The following AGAP1 variants were observed in gnomAD, a reference collection of about 807,000 sequenced individuals.
AGAP1 encodes the protein arf-GAP with GTPase, ANK repeat and PH domain-containing protein 1.
In AGAP1, 29 loss-of-function variants were observed where a neutral mutation model predicts 105.3. That is an observed-to-expected ratio of 0.28 (90% confidence interval 0.21 to 0.38). AGAP1 has a LOEUF of 0.38. AGAP1 is among the 10% of genes least tolerant of loss of function. The pLI is 1.00. For missense variants in AGAP1, 998 were observed against 1,165.1 expected (o/e 0.86, Z 2.09); for synonymous variants, 509 against 485.9 (o/e 1.05, Z -0.63).
chr2:235,870,403 G>A (rs1189948041), intron 9 of AGAP1, among the ~76,000 whole-genome samples: 1 of 152,152 alleles, frequency 6.6e-6, no homozygotes, highest in East Asian at 1.9e-4. Flanking sequence ...GAGGCAGGTG[G>A]ATCACCTCAG....
In AGAP1 at chr2:235,549,184, G is replaced by A. The variant is rs904875012; in HGVS notation, c.163+54335G>A. Among the ~76,000 whole-genome samples the A allele has an allele frequency of 5.3e-5, 8 of 152,160 alleles. No individual in the cohort carries two copies. Among genetic ancestry groups the A allele is most frequent in the African/African-American group, 1.4e-4 (6 of 41,428 alleles). ...TAGTTCTTTGAGGACAGTTTGCCACGTTCAGCAGGATTTTCCAGACCTTTT... is the reference window on the plus strand; with the variant it reads ...TAGTTCTTTGAGGACAGTTTGCCACATTCAGCAGGATTTTCCAGACCTTTT... On this transcript the variant is annotated intron_variant, in intron 1 of 17. Transcript: ENST00000304032. This position sits in a 1 kb window ranked among gnomAD's most constrained non-coding sequence, Gnocchi z 4.2.
chr2:235,627,192 G>GTTTTTTTTTTTTTTT (rs36086999), intron 1 of AGAP1, among the ~76,000 whole-genome samples: 4 of 95,556 alleles, frequency 4.2e-5, no homozygotes, highest in African/African-American at 4.5e-5. Context: ...CTGTTTTGAG[G>GTTTTTTTTTTTTTTT]TTTTTTTTTT....
chr2:235,644,312 G>A (rs555996021), intron 1 of AGAP1, among the ~76,000 whole-genome samples: 2 of 152,264 alleles, frequency 1.3e-5, no homozygotes, highest in African/African-American at 2.4e-5. Context: ...TGTTGCCAGC[G>A]CGATCTCTGT....
At chr2:235,687,006 A>G (rs1949486645) in intron 1 of AGAP1, among the ~76,000 whole-genome samples, 1 of 151,522 alleles carries the variant, frequency 6.6e-6, no homozygotes, top group Non-Finnish European at 1.5e-5. Context: ...TCTTCTTTCC[A>G]CCCACTCTCC....
rs1281948678 is a variant in AGAP1, at chr2:236,114,060, A to G, written c.2115-6132A>G. Reference sequence around the variant, plus strand: ...TTAAAGGTGTGTCAGCACCACATCAAATGAGGAACTGGGCCCCCTCCTTTC... The same window carrying G: ...TTAAAGGTGTGTCAGCACCACATCAGATGAGGAACTGGGCCCCCTCCTTTC... On this transcript the variant is annotated intron_variant, in intron 16 of 17. Transcript: ENST00000304032. The surrounding 1 kb of genome is among the most constrained non-coding windows in gnomAD (Gnocchi z 5.0). Among the ~76,000 whole-genome samples the G allele has an allele frequency of 3.9e-5, 6 of 152,018 alleles. No homozygotes were observed. The highest frequency in any genetic ancestry group is 2.6e-4 in the Admixed American group (4 of 15,266).
intron 1 of AGAP1, among the ~76,000 whole-genome samples, chr2:235,656,289 G>A (rs1490117274): frequency 1.3e-5 from 2 of 152,194 alleles, no homozygotes; most frequent in Non-Finnish European, 2.9e-5. Context: ...TCAGAAGCAC[G>A]AGAACAAACA....
At chr2:235,766,170 T>G (rs144623953) in intron 6 of AGAP1, among the ~76,000 whole-genome samples, 157 of 152,348 alleles carry the variant, frequency 1.0e-3, no homozygotes, top group African/African-American at 3.6e-3. Flanking sequence ...TTTAGTAAAA[T>G]TTAAGCCATT....
At position 235,577,568 on chromosome 2, in the gene AGAP1, G is replaced by A. The variant is rs1944775177; in HGVS notation, c.163+82719G>A. ...GCTTGCTGGAGTCGGTGGGAGCTGA[G>A]AGTCCCTTGCTGCCCGGAGCATGGC... On this transcript the variant is annotated intron_variant, in intron 1 of 17. Transcript: ENST00000304032. The surrounding 1 kb of genome is among the most constrained non-coding windows in gnomAD (Gnocchi z 4.5). Among the ~76,000 whole-genome samples, 1 of 151,998 alleles carries A rather than the reference G, an allele frequency of 6.6e-6. No homozygotes were observed. The highest frequency in any genetic ancestry group is 1.5e-5 in the Non-Finnish European group (1 of 68,008).
At position 235,787,208 on chromosome 2, in the gene AGAP1, G is replaced by A. The variant is rs557844830; in HGVS notation, c.674-10551G>A. On this transcript the variant is annotated intron_variant, in intron 6 of 17. Coordinates refer to ENST00000304032, the MANE Select transcript of AGAP1 (RefSeq NM_001037131.3). This position sits in a 1 kb window ranked among gnomAD's most constrained non-coding sequence, Gnocchi z 4.4. ...CTAGCAGGGGCCGCCTCTACCCTTG[G>A]CTGCTGCTTCCAAACCATGTGGGTT... 1.3e-5 allele frequency among the ~76,000 whole-genome samples: 2 copies of A among 152,292 alleles called. No homozygotes were observed. Among genetic ancestry groups the A allele is most frequent in the Admixed American group, 1.3e-4 (2 of 15,302 alleles).
intron 1 of AGAP1, among the ~76,000 whole-genome samples, chr2:235,505,430 A>G (rs1941756202): frequency 6.6e-6 from 1 of 152,148 alleles, no homozygotes; most frequent in Admixed American, 6.5e-5. Flanking sequence ...TGCAATGGCA[A>G]ATATTTATTT....
chr2:235,736,752 G>C lies in AGAP1; in HGVS notation c.311-4211G>C, dbSNP rs1244970165. ...CTACTCAGGGAGGCTGAGGTGGGAGGATCTTTTGAGCCTAGGCAGTCGAGG... is the reference window on the plus strand; with the variant it reads ...CTACTCAGGGAGGCTGAGGTGGGAGCATCTTTTGAGCCTAGGCAGTCGAGG... On this transcript the variant is annotated intron_variant, in intron 3 of 17. Transcript: ENST00000304032. This position sits in a 1 kb window ranked among gnomAD's most constrained non-coding sequence, Gnocchi z 5.5. Among the ~76,000 whole-genome samples the C allele has an allele frequency of 6.6e-6, 1 of 152,086 alleles. No homozygotes were observed. The highest frequency in any genetic ancestry group is 1.5e-5 in the Non-Finnish European group (1 of 68,018).
At position 235,830,949 on chromosome 2, in the gene AGAP1, G is replaced by GGGTGCCGCCTCCTCACCT. The variant is rs1221508342; in HGVS notation, c.1050+23620_1050+23637dup. On this transcript the variant is annotated intron_variant, in intron 9 of 17. Transcript: ENST00000304032. This position sits in a 1 kb window ranked among gnomAD's most constrained non-coding sequence, Gnocchi z 5.5. ...TGGGGACTCCTGTGAGAATGCTGAT[G>GGGTGCCGCCTCCTCACCT]GGTGCCGCCTCCTCACCTGTGTGTC... is the stretch of plus-strand genomic sequence containing the variant. 3.3e-5 allele frequency among the ~76,000 whole-genome samples: 5 copies of GGGTGCCGCCTCCTCACCT among 152,090 alleles called. No individual in the cohort carries two copies. Among genetic ancestry groups the GGGTGCCGCCTCCTCACCT allele is most frequent in the Non-Finnish European group, 5.9e-5 (4 of 68,022 alleles).
At chr2:235,579,800 T>C (rs1053026507) in intron 1 of AGAP1, among the ~76,000 whole-genome samples, 7 of 150,986 alleles carry the variant, frequency 4.6e-5, no homozygotes, top group African/African-American at 1.7e-4. Flanking sequence ...AGTGAACACT[T>C]ACTTAGCGTA....
chr2:235,892,557 A>G (rs2050593001), intron 10 of AGAP1, among the ~76,000 whole-genome samples: 1 of 148,574 alleles, frequency 6.7e-6, no homozygotes, highest in Non-Finnish European at 1.5e-5. Flanking sequence ...CTAAGTAGGT[A>G]TTTTCCTCAA....
At chr2:235,868,383 C>A (rs570628921) in intron 9 of AGAP1, among the ~76,000 whole-genome samples, 1 of 152,236 alleles carries the variant, frequency 6.6e-6, no homozygotes, top group East Asian at 1.9e-4. Flanking sequence ...GCATGCACGG[C>A]CCCCGGTGTC....
chr2:235,749,952 A>G (rs1023022000), intron 5 of AGAP1, among the ~76,000 whole-genome samples: 1 of 152,206 alleles, frequency 6.6e-6, no homozygotes, highest in African/African-American at 2.4e-5. Flanking sequence ...TCATTGGACA[A>G]GTGACCACAC....
chr2:235,744,682 C>G lies in AGAP1; in HGVS notation c.397-16C>G, dbSNP rs1261349417. 6.2e-7 allele frequency: 1 copy of G among 1,613,822 alleles called. No homozygotes were observed. Among genetic ancestry groups the G allele is most frequent in the South Asian group, 1.1e-5 (1 of 91,058 alleles). On this transcript the variant is annotated splice_polypyrimidine_tract_variant and intron_variant, in intron 4 of 17. Coordinates refer to ENST00000304032, the MANE Select transcript of AGAP1 (RefSeq NM_001037131.3). This position sits in a 1 kb window ranked among gnomAD's most constrained non-coding sequence, Gnocchi z 5.2. ...CTCACTCAGCTCCTGCTCTCCTCCCCTTCTTCTCTCCCTAGTTTGCCATGT... is the reference window on the plus strand; with the variant it reads ...CTCACTCAGCTCCTGCTCTCCTCCCGTTCTTCTCTCCCTAGTTTGCCATGT...
In AGAP1 at chr2:235,553,213, C is replaced by T. The variant is rs924437012; in HGVS notation, c.163+58364C>T. Among the ~76,000 whole-genome samples, 6 of 151,056 alleles carry T rather than the reference C, an allele frequency of 4.0e-5. No individual in the cohort carries two copies. The highest frequency in any genetic ancestry group is 1.5e-4 in the African/African-American group (6 of 40,982). On this transcript the variant is annotated intron_variant, in intron 1 of 17. Transcript: ENST00000304032. The surrounding 1 kb of genome is among the most constrained non-coding windows in gnomAD (Gnocchi z 4.5). Reference sequence around the variant, plus strand: ...GTGAACTAACATTCTCAAGTACTGTCTTAAGTCAGTACAGATTTTAGGCTT... The same window carrying T: ...GTGAACTAACATTCTCAAGTACTGTTTTAAGTCAGTACAGATTTTAGGCTT...
At chr2:235,851,871 T>C (rs2048477055) in intron 9 of AGAP1, among the ~76,000 whole-genome samples, 2 of 152,198 alleles carry the variant, frequency 1.3e-5, no homozygotes, top group South Asian at 4.1e-4. Context: ...GAGGTAATTT[T>C]GGCGACAAGC....
Sources: allele counts gnomAD v4.1 joint callset (sites outside exome capture counted in the v4.1 genomes callset), GRCh38; gene constraint gnomAD v4.1.1; non-coding constraint Gnocchi (gnomAD v3.1); transcripts MANE v1.5; gene names NCBI Gene and HGNC (gene_info 2026-07-23, HGNC 2026-07-21).